The following KCNQ3 variants were observed in gnomAD, a reference collection of about 807,000 sequenced individuals.
The protein encoded by KCNQ3 is potassium voltage-gated channel subfamily Q member 3, also known as potassium voltage-gated channel subfamily KQT member 3.
In KCNQ3, 30 loss-of-function variants were observed where a neutral mutation model predicts 92.5. That is an observed-to-expected ratio of 0.32 (90% CI 0.24 to 0.44). The LOEUF (loss-of-function observed/expected upper bound fraction) is 0.44. Ranked by LOEUF, KCNQ3 falls within the 20% of genes least tolerant of loss-of-function variation. The pLI, the probability that KCNQ3 is intolerant of heterozygous loss-of-function variation, is 1.00. For missense variants in KCNQ3, 913 were observed against 1,140.3 expected (o/e 0.80, Z 2.87); for synonymous variants, 450 against 468.8 (o/e 0.96, Z 0.52).
chr8:132,416,399 G>A (rs1482425384), intron 1 of KCNQ3, among the ~76,000 whole-genome samples: 1 of 152,034 alleles, frequency 6.6e-6, no homozygotes, highest in Non-Finnish European at 1.5e-5. Flanking sequence ...AGGCTGAGGC[G>A]GGTGGATCAC....
intron 1 of KCNQ3, among the ~76,000 whole-genome samples, chr8:132,206,356 C>T (rs1217901259): frequency 6.6e-6 from 1 of 152,168 alleles, no homozygotes; most frequent in Non-Finnish European, 1.5e-5. Context: ...CTGACAGACA[C>T]CTTGGTCCTA....
chr8:132,187,849 G>GTGGTGGTGGTGA (rs1484500463), intron 1 of KCNQ3, among the ~76,000 whole-genome samples: 2 of 101,528 alleles, frequency 2.0e-5, no homozygotes, highest in African/African-American at 1.0e-4. Flanking sequence ...GGTGGTGGTG[G>GTGGTGGTGGTGA]TAGTGATGGT....
intron 1 of KCNQ3, among the ~76,000 whole-genome samples, chr8:132,333,123 C>A (rs1370798456): frequency 1.3e-5 from 2 of 152,134 alleles, no homozygotes; most frequent in African/African-American, 4.8e-5. Context: ...GGCATTCATC[C>A]TCAGTGCTAT....
intron 1 of KCNQ3, among the ~76,000 whole-genome samples, chr8:132,253,159 C>T (rs1199872533): frequency 6.6e-6 from 1 of 152,270 alleles, no homozygotes; most frequent in East Asian, 1.9e-4. Flanking sequence ...AGGAACTGTG[C>T]AAGGGAGATT....
At chr8:132,265,427 T>G (rs1394183801) in intron 1 of KCNQ3, among the ~76,000 whole-genome samples, 2 of 152,202 alleles carry the variant, frequency 1.3e-5, no homozygotes, top group East Asian at 3.9e-4. Context: ...CCCAGCACAC[T>G]AAACCGCAAG....
intron 3 of KCNQ3, 57 bp downstream of exon 3, chr8:132,184,184 A>C: frequency 1.2e-6 from 2 of 1,611,120 alleles, no homozygotes. Context: ...TCTCAGAGAA[A>C]CAATGCCCCA....
chr8:132,228,352 A>C (rs558931693), intron 1 of KCNQ3, among the ~76,000 whole-genome samples: 2 of 152,262 alleles, frequency 1.3e-5, no homozygotes, highest in South Asian at 4.1e-4. Context: ...CCATCCATCT[A>C]TCCATTCACT....
At chr8:132,314,783 A>G (rs1563855091) in intron 1 of KCNQ3, among the ~76,000 whole-genome samples, 1 of 152,242 alleles carries the variant, frequency 6.6e-6, no homozygotes, top group Non-Finnish European at 1.5e-5. Context: ...ATACCAAAAA[A>G]CACTAAGAGT....
At chr8:132,320,079 G>C (rs1817856171) in intron 1 of KCNQ3, among the ~76,000 whole-genome samples, 1 of 152,192 alleles carries the variant, frequency 6.6e-6, no homozygotes, top group South Asian at 2.1e-4. Flanking sequence ...CCAATAAATA[G>C]ATGGTACACA....
intron 1 of KCNQ3, among the ~76,000 whole-genome samples, chr8:132,325,167 T>C (rs1297434061): frequency 6.6e-6 from 1 of 151,748 alleles, no homozygotes; most frequent in Non-Finnish European, 1.5e-5. Context: ...CCTGGCGGTG[T>C]GGATGGGGAA....
rs1056057485 is a variant in KCNQ3, at chr8:132,139,663, A to C, written c.1568+413T>G. Among the ~76,000 whole-genome samples, 96 of 152,346 alleles carry C rather than the reference A, an allele frequency of 6.3e-4. 1 individual carries two copies. Among genetic ancestry groups the C allele is most frequent in the African/African-American group, 2.2e-3 (92 of 41,578 alleles). ...TACTATAATTTATTATCTTGTTAAA[A>C]ATGCGAACTAATTAAAACAAACTAT... On this transcript the variant is annotated intron_variant, in intron 11 of 14. Coordinates refer to ENST00000388996, the MANE Select transcript of KCNQ3 (RefSeq NM_004519.4).
At chr8:132,360,783 T>C (rs966424459) in intron 1 of KCNQ3, among the ~76,000 whole-genome samples, 2 of 152,248 alleles carry the variant, frequency 1.3e-5, no homozygotes, top group African/African-American at 4.8e-5. Flanking sequence ...CTTTCCTGTC[T>C]GTTTTGATCT....
intron 1 of KCNQ3, among the ~76,000 whole-genome samples, chr8:132,478,201 G>A (rs1208979793): frequency 6.6e-6 from 1 of 152,246 alleles, no homozygotes; most frequent in South Asian, 2.1e-4. Context: ...CTGCTTCCAG[G>A]TGATGCAATA....
chr8:132,170,249 G>C lies in KCNQ3; in HGVS notation c.1235+85C>G. ...CATTGCCCTGAAGAGTGTTCTCCAG[G>C]GACCCGTGAGGCCACAGACACGAAT... On this transcript the variant is annotated intron_variant, in intron 8 of 14. Coordinates refer to ENST00000388996, the MANE Select transcript of KCNQ3 (RefSeq NM_004519.4). 9.5e-6 allele frequency: 9 copies of C among 947,296 alleles called. No homozygotes were observed. In the South Asian group the frequency reaches 1.2e-4, roughly 12 times the overall value. The allele number at this position is 947,296 out of a possible 1,614,324, so 58.7% of individuals were successfully genotyped here.
intron 1 of KCNQ3, among the ~76,000 whole-genome samples, chr8:132,265,342 G>A (rs1332674972): frequency 6.6e-6 from 1 of 152,250 alleles, no homozygotes; most frequent in Non-Finnish European, 1.5e-5. Context: ...AGTATGCTTA[G>A]AACTTCAGGT....
At chr8:132,289,803 T>C (rs1816790171) in intron 1 of KCNQ3, among the ~76,000 whole-genome samples, 1 of 152,208 alleles carries the variant, frequency 6.6e-6, no homozygotes, top group African/African-American at 2.4e-5. Context: ...ATATTGTTTC[T>C]CTGCCTCTTT....
intron 1 of KCNQ3, among the ~76,000 whole-genome samples, chr8:132,298,286 A>G (rs1054469316): frequency 6.6e-6 from 1 of 152,232 alleles, no homozygotes; most frequent in South Asian, 2.1e-4. Context: ...AACATCCTAC[A>G]CAAATAAACA....
At chr8:132,308,099 CA>C (rs1817484321) in intron 1 of KCNQ3, among the ~76,000 whole-genome samples, 1 of 152,036 alleles carries the variant, frequency 6.6e-6, no homozygotes, top group South Asian at 2.1e-4. Context: ...GGAGAAAGAA[CA>C]AAAAAGTAAA....
chr8:132,405,385 A>G (rs1284719907), intron 1 of KCNQ3, among the ~76,000 whole-genome samples: 2 of 152,248 alleles, frequency 1.3e-5, no homozygotes, highest in Non-Finnish European at 2.9e-5. Context: ...CCTTTCCTCC[A>G]GCACCCAGCC....
Sources: gnomAD v4.1 joint callset for allele counts (sites outside exome capture counted in the v4.1 genomes callset) on GRCh38, gnomAD v4.1.1 for gene constraint, MANE v1.5 for transcripts, NCBI Gene and HGNC (gene_info 2026-07-23, HGNC 2026-07-21) for gene names.